Variants in MED27 observed in about 807,000 individuals in gnomAD.
The protein encoded by MED27 is mediator of RNA polymerase II transcription subunit 27.
A neutral mutation model predicts 38.2 loss-of-function variants in MED27; 30 were observed. That is an observed-to-expected ratio of 0.79 (90% CI 0.59 to 1.07). The LOEUF (loss-of-function observed/expected upper bound fraction) is 1.07, where lower values mean the gene tolerates loss of function less well. Ranked by LOEUF, MED27 falls within the 50% of genes least tolerant of loss-of-function variation. MED27 has a pLI of 0.00. For synonymous variants in MED27, 122 were observed against 153.5 expected (o/e 0.79, Z 1.52); for missense variants, 289 against 397.5 (o/e 0.73, Z 2.32).
intron 2 of MED27, among the ~76,000 whole-genome samples, chr9:132,026,793 A>G (rs1832832017): frequency 6.6e-6 from 1 of 152,166 alleles, no homozygotes; most frequent in African/African-American, 2.4e-5. Flanking sequence ...AAAAATAATA[A>G]CATTAGCTAA....
At chr9:132,052,371 T>A (rs1833482564) in intron 2 of MED27, among the ~76,000 whole-genome samples, 1 of 152,202 alleles carries the variant, frequency 6.6e-6, no homozygotes, top group Non-Finnish European at 1.5e-5. Context: ...TTATACAATA[T>A]ATAGGTTTTT....
intron 5 of MED27, among the ~76,000 whole-genome samples, chr9:131,891,990 G>C (rs761297598): frequency 1.3e-5 from 2 of 152,134 alleles, no homozygotes; most frequent in Non-Finnish European, 2.9e-5. Flanking sequence ...ACCAAGATAA[G>C]GAAAAGAGGA....
At chr9:132,033,607 T>C (rs1833010005) in intron 2 of MED27, among the ~76,000 whole-genome samples, 1 of 152,238 alleles carries the variant, frequency 6.6e-6, no homozygotes, top group Non-Finnish European at 1.5e-5. Flanking sequence ...TTTGTGTATA[T>C]AAACTTCCAA....
intron 6 of MED27, among the ~76,000 whole-genome samples, chr9:131,874,798 T>C (rs1052533481): frequency 6.6e-6 from 1 of 152,206 alleles, no homozygotes; most frequent in African/African-American, 2.4e-5. Flanking sequence ...AAAACGTCAG[T>C]TTCTGTCACT....
chr9:132,009,757 C>T (rs1832440941), intron 3 of MED27, among the ~76,000 whole-genome samples: 1 of 152,226 alleles, frequency 6.6e-6, no homozygotes, highest in Non-Finnish European at 1.5e-5. Context: ...GCTGTTAAAG[C>T]ACTAAGTTTT....
chr9:132,044,397 A>G (rs1426640854), intron 2 of MED27, among the ~76,000 whole-genome samples: 3 of 152,104 alleles, frequency 2.0e-5, no homozygotes, highest in Non-Finnish European at 4.4e-5. Context: ...CTTACTTCTC[A>G]CTCCCAGCGC....
intron 1 of MED27, among the ~76,000 whole-genome samples, chr9:132,078,744 AG>A (rs895060624): frequency 4.6e-5 from 7 of 152,208 alleles, no homozygotes; most frequent in Admixed American, 4.6e-4. Context: ...TCCCCTACTC[AG>A]GTCAGTTCTG....
At chr9:131,903,437 C>T (rs1363150499) in intron 4 of MED27, among the ~76,000 whole-genome samples, 1 of 152,180 alleles carries the variant, frequency 6.6e-6, no homozygotes, top group African/African-American at 2.4e-5. Flanking sequence ...GGACACAGAG[C>T]CAAACCATAT....
intron 4 of MED27, among the ~76,000 whole-genome samples, chr9:131,900,632 G>T (rs754450632): frequency 1.5e-4 from 23 of 152,046 alleles, no homozygotes; most frequent in Non-Finnish European, 3.2e-4. Context: ...CCTGCACGAG[G>T]AACCCGGGGC....
chr9:131,940,151 C>T lies in MED27; in HGVS notation c.480-677G>A, dbSNP rs569096854. 7.9e-5 allele frequency among the ~76,000 whole-genome samples: 12 copies of T among 151,736 alleles called. No individual in the cohort carries two copies. The South Asian group carries it at 1.5e-3, about 18-fold the overall frequency. ...CGAACTCCTGACCTCATGATCTGCC[C>T]GCCTCGGCCTCCCAAAGTGCTGGGA... On this transcript the variant is annotated intron_variant, in intron 3 of 7. Coordinates refer to ENST00000292035, the MANE Select transcript of MED27 (RefSeq NM_004269.4).
intron 2 of MED27, among the ~76,000 whole-genome samples, chr9:132,030,171 G>A (rs550112395): frequency 6.6e-6 from 1 of 152,342 alleles, no homozygotes; most frequent in South Asian, 2.1e-4. Flanking sequence ...CCCCTCTTCA[G>A]GGGAGTGTGC....
intron 3 of MED27, among the ~76,000 whole-genome samples, chr9:131,989,004 G>A (rs1026468522): frequency 6.6e-6 from 1 of 152,006 alleles, no homozygotes; most frequent in African/African-American, 2.4e-5. Flanking sequence ...ATAGGTACAC[G>A]ACTGCCATGG....
chr9:132,054,444 G>A (rs1158711268), intron 2 of MED27, among the ~76,000 whole-genome samples: 1 of 152,200 alleles, frequency 6.6e-6, no homozygotes, highest in Non-Finnish European at 1.5e-5. Flanking sequence ...ATTTGAGACA[G>A]AGTCTCACTC....
chr9:132,022,605 A>G (rs1422485189), intron 2 of MED27, among the ~76,000 whole-genome samples: 1 of 152,212 alleles, frequency 6.6e-6, no homozygotes, highest in African/African-American at 2.4e-5. Context: ...ACTAGTCACC[A>G]AAAGTCTCCA....
At chr9:131,966,198 TTA>T (rs1831338613) in intron 3 of MED27, among the ~76,000 whole-genome samples, 1 of 88,490 alleles carries the variant, frequency 1.1e-5, no homozygotes, top group Non-Finnish European at 2.4e-5. Flanking sequence ...GCCTGTTTCT[TTA>T]AAAAAAAAAA....
intron 2 of MED27, among the ~76,000 whole-genome samples, chr9:132,049,463 C>G (rs946545319): frequency 3.9e-5 from 6 of 152,084 alleles, no homozygotes; most frequent in Non-Finnish European, 5.9e-5. Flanking sequence ...ACACTGGAGC[C>G]AGAGGGAGAG....
At chr9:132,078,090 T>C (rs1589308703) in intron 1 of MED27, among the ~76,000 whole-genome samples, 1 of 152,006 alleles carries the variant, frequency 6.6e-6, no homozygotes, top group East Asian at 1.9e-4. Flanking sequence ...AGAGATAAAA[T>C]AAACAAATGG....
At chr9:132,066,823 T>C (rs933698215) in intron 2 of MED27, among the ~76,000 whole-genome samples, 25 of 152,128 alleles carry the variant, frequency 1.6e-4, no homozygotes, top group Non-Finnish European at 1.5e-5. Context: ...CAGAGCATAG[T>C]TTGGGAATCT....
rs1384514523 is a variant in MED27, at chr9:131,871,598, G to A, written c.724-8458C>T. Among the ~76,000 whole-genome samples the A allele has an allele frequency of 3.9e-5, 6 of 152,298 alleles. No homozygotes were observed. The East Asian group carries it at 9.6e-4, about 24-fold the overall frequency. On this transcript the variant is annotated intron_variant, in intron 6 of 7. Coordinates refer to ENST00000292035, the MANE Select transcript of MED27 (RefSeq NM_004269.4). ...TGACCTTGTACTTGTCACCCATGCTGGAGTGTGGTGGTCTGATCACAGCAC... is the reference window on the plus strand; with the variant it reads ...TGACCTTGTACTTGTCACCCATGCTAGAGTGTGGTGGTCTGATCACAGCAC...
Sources: gnomAD v4.1 joint callset for allele counts (sites outside exome capture counted in the v4.1 genomes callset) on GRCh38, gnomAD v4.1.1 for gene constraint, MANE v1.5 for transcripts, NCBI Gene and HGNC (gene_info 2026-07-23, HGNC 2026-07-21) for gene names.